The following RNFT2 variants were observed in gnomAD, a reference collection of about 807,000 sequenced individuals.
RNFT2 encodes the protein ring finger protein, transmembrane 2.
In RNFT2, 36 loss-of-function variants were observed where a neutral mutation model predicts 53.0. The observed-to-expected ratio is 0.68, with a 90% CI of 0.52 to 0.90. The LOEUF (loss-of-function observed/expected upper bound fraction) is 0.90, where lower values mean the gene tolerates loss of function less well. Among genes scored for constraint, RNFT2 ranks in the 40% least tolerant of loss-of-function variants. RNFT2 has a pLI of 0.00. For missense variants in RNFT2, 514 were observed against 585.6 expected (o/e 0.88, Z 1.26); for synonymous variants, 260 against 253.2 (o/e 1.03, Z -0.26).
At chr12:116,743,639 AG>A (rs1208684942) in intron 3 of RNFT2, among the ~76,000 whole-genome samples, 3 of 152,150 alleles carry the variant, frequency 2.0e-5, no homozygotes, top group Non-Finnish European at 4.4e-5. Context: ...GACAGCCTCC[AG>A]CCCCAGAAGC....
chr12:116,766,964 G>A (rs1428841677), intron 6 of RNFT2, 50 bp downstream of exon 6: 1 of 1,334,850 alleles, frequency 7.5e-7, no homozygotes, highest in Non-Finnish European at 1.0e-6. Flanking sequence ...GCACTTGGCT[G>A]GGCTTGGGGC....
At chr12:116,807,321 G>C (rs1438387366) in intron 7 of RNFT2, among the ~76,000 whole-genome samples, 1 of 152,032 alleles carries the variant, frequency 6.6e-6, no homozygotes, top group African/African-American at 2.4e-5. Context: ...ATGCCATTAG[G>C]GACCCGTGAT....
At chr12:116,809,622 G>A (rs1875268785) in intron 7 of RNFT2, among the ~76,000 whole-genome samples, 1 of 152,118 alleles carries the variant, frequency 6.6e-6, no homozygotes, top group Admixed American at 6.6e-5. Flanking sequence ...GTTCCTCAAA[G>A]ACTGGGCTTC....
In RNFT2 at chr12:116,782,082, A is replaced by AAAAAAAAAAAAAAAAAAAAAAAAAG. The variant is rs1873738822; in HGVS notation, c.882+2746_882+2747insAAAAAAAAAAAAGAAAAAAAAAAAA. ...CGACAGAGCGAGACTCCGTCTCCAA[A>AAAAAAAAAAAAAAAAAAAAAAAAAG]AAAAAAAAAAAATGTGGACATCATG... On this transcript the variant is annotated intron_variant, in intron 7 of 10. Coordinates refer to ENST00000257575, the MANE Select transcript of RNFT2 (RefSeq NM_001382266.1). 2 of 146,540 alleles carry AAAAAAAAAAAAAAAAAAAAAAAAAG rather than the reference A, an allele frequency of 1.4e-5. 1 individual carries two copies. The highest frequency in any genetic ancestry group is 5.1e-5 in the African/African-American group (2 of 39,474). 9.1% of individuals were successfully genotyped at this position (146,540 alleles called of 1,614,324 possible).
chr12:116,837,475 C>T (rs950779726), intron 10 of RNFT2, among the ~76,000 whole-genome samples: 10 of 151,864 alleles, frequency 6.6e-5, no homozygotes, highest in Admixed American at 3.3e-4. Context: ...GAAAGGCTTA[C>T]GGGTAGGGGG....
chr12:116,752,445 G>A (rs12314176), intron 4 of RNFT2, among the ~76,000 whole-genome samples: 11,791 of 151,888 alleles, frequency 0.078, 600 homozygotes, highest in South Asian at 0.15. Flanking sequence ...GGTTTTTTTT[G>A]TTTTGTTTTT....
At chr12:116,836,119 C>T in intron 9 of RNFT2, 62 bp from the exon 10 acceptor site, 3 of 1,590,500 alleles carry the variant, frequency 1.9e-6, no homozygotes, top group Non-Finnish European at 2.6e-6. Flanking sequence ...TCTCACAGTG[C>T]TCCTGAGGGC....
Position 116,845,274 on chromosome 12 carries a change from T to TAG in RNFT2, c.1201-4019_1201-4018dup, listed in dbSNP as rs3069215. Among the ~76,000 whole-genome samples, 781 of 125,366 alleles carry TAG rather than the reference T, an allele frequency of 6.2e-3. 4 individuals are homozygous for TAG. Among genetic ancestry groups the TAG allele is most frequent in the African/African-American group, 0.019 (566 of 29,722 alleles). The allele number at this position is 125,366 out of a possible 152,430, so 82.2% of individuals were successfully genotyped here. ...AAAAAAAAAAATATATATATATATA[T>TAG]AGAGAGAGAGAGAGAGAGAGAGCTC... On this transcript the variant is annotated intron_variant, in intron 10 of 10. Transcript: ENST00000257575.
At chr12:116,789,365 A>G (rs1874103110) in intron 7 of RNFT2, among the ~76,000 whole-genome samples, 1 of 137,562 alleles carries the variant, frequency 7.3e-6, no homozygotes, top group Admixed American at 7.4e-5. Flanking sequence ...TGGATGGGTA[A>G]ATGGGAGGAG....
At chr12:116,741,492 C>A (rs924348863) in intron 3 of RNFT2, among the ~76,000 whole-genome samples, 3 of 152,196 alleles carry the variant, frequency 2.0e-5, no homozygotes, top group African/African-American at 7.2e-5. Flanking sequence ...GGCCCACTTT[C>A]TGGTTCACTG....
At chr12:116,740,317 G>C in intron 1 of RNFT2, 28 bp from the exon 2 acceptor site, 1 of 606,770 alleles carries the variant, frequency 1.6e-6, no homozygotes, top group Non-Finnish European at 3.0e-6. Context: ...CGCAGGGACT[G>C]TTCATCCAGG....
chr12:116,761,113 C>T (rs1430454029), intron 5 of RNFT2, among the ~76,000 whole-genome samples: 6 of 152,126 alleles, frequency 3.9e-5, no homozygotes, highest in East Asian at 1.9e-4. Context: ...AGTCCCTTTA[C>T]GCCGCAGACA....
intron 7 of RNFT2, among the ~76,000 whole-genome samples, chr12:116,827,996 G>A (rs1475629549): frequency 6.6e-6 from 1 of 152,174 alleles, no homozygotes; most frequent in Admixed American, 6.5e-5. Context: ...CAGAGAGAGG[G>A]GACCAGAGTC....
chr12:116,826,471 C>T (rs1182578749), intron 7 of RNFT2, among the ~76,000 whole-genome samples: 2 of 152,136 alleles, frequency 1.3e-5, no homozygotes, highest in African/African-American at 4.8e-5. Flanking sequence ...ATTTGGTGGT[C>T]GTCAGAAATA....
chr12:116,772,557 G>A (rs12306557), intron 6 of RNFT2, among the ~76,000 whole-genome samples: 13,247 of 151,512 alleles, frequency 0.087, 1,402 homozygotes, highest in East Asian at 0.26. Flanking sequence ...CACCCGCCTC[G>A]GCCTCCCAAA....
intron 7 of RNFT2, among the ~76,000 whole-genome samples, chr12:116,788,264 T>A (rs2137129092): frequency 6.6e-6 from 1 of 152,318 alleles, no homozygotes; most frequent in Middle Eastern, 3.4e-3. Flanking sequence ...CGCCCCATTC[T>A]GCAGCATCCC....
chr12:116,850,190 T>C lies in RNFT2; in HGVS notation c.*742T>C, dbSNP rs1877852685. 7.9e-6 allele frequency: 1 copy of C among 127,316 alleles called. No individual in the cohort carries two copies. Among genetic ancestry groups the C allele is most frequent in the African/African-American group, 3.0e-5 (1 of 33,042 alleles). 7.9% of individuals were successfully genotyped at this position (127,316 alleles called of 1,614,324 possible). On this transcript the variant is annotated 3_prime_UTR_variant, in exon 11 of 11. Transcript: ENST00000257575. The stretch of plus-strand genomic sequence containing the variant: ...TTTTTTTTGAGACAGGGTCTGGGTC[T>C]TCACCCAGGCTGGAGTGCAGTTGGC...
intron 3 of RNFT2, among the ~76,000 whole-genome samples, chr12:116,745,505 C>T (rs929843560): frequency 1.3e-5 from 2 of 152,072 alleles, no homozygotes; most frequent in Non-Finnish European, 2.9e-5. Flanking sequence ...AAGTGATCTG[C>T]CCACCTCAGC....
intron 6 of RNFT2, among the ~76,000 whole-genome samples, chr12:116,773,843 A>C (rs1366799007): frequency 6.6e-6 from 1 of 152,220 alleles, no homozygotes; most frequent in Non-Finnish European, 1.5e-5. Context: ...TTTGCAACTG[A>C]AAACATATTT....
Sources: gnomAD v4.1 joint callset for allele counts (sites outside exome capture counted in the v4.1 genomes callset) on GRCh38, gnomAD v4.1.1 for gene constraint, MANE v1.5 for transcripts, NCBI Gene and HGNC (gene_info 2026-07-23, HGNC 2026-07-21) for gene names.